GPHN: variants seen among roughly 807,000 people sequenced by gnomAD.
GPHN encodes gephyrin.
In GPHN, 17 loss-of-function variants were observed where a neutral mutation model predicts 95.5. The ratio of observed to expected loss-of-function variants is 0.18; its 90% confidence interval spans 0.12 to 0.27. The LOEUF is 0.27. GPHN is among the 10% of genes least tolerant of loss of function. GPHN has a pLI of 1.00. For missense variants in GPHN, 660 were observed against 978.1 expected (o/e 0.67, Z 4.34); for synonymous variants, 320 against 322.5 (o/e 0.99, Z 0.08).
chr14:66,919,383 T>C (rs2066083898), intron 6 of GPHN, among the ~76,000 whole-genome samples: 1 of 151,980 alleles, frequency 6.6e-6, no homozygotes, highest in Non-Finnish European at 1.5e-5. Flanking sequence ...GATTAGAAGA[T>C]GGGAAAAGAA....
At chr14:67,439,604 T>TTC in the GPHN span, among the ~76,000 whole-genome samples, 1 of 133,616 alleles carries the variant, frequency 7.5e-6, no homozygotes, top group African/African-American at 3.1e-5. Context: ...TTCTTTCTTT[T>TTC]TTGCATCAGA....
the GPHN span, chr14:67,662,959 C>T: frequency 7.5e-7 from 1 of 1,338,310 alleles, no homozygotes; most frequent in Non-Finnish European, 9.5e-7. Context: ...AACCCCTCAC[C>T]ACTCCCACAG....
chr14:67,642,196 A>G, the GPHN span: 9 of 1,613,884 alleles, frequency 5.6e-6, no homozygotes, highest in Admixed American at 1.3e-4. Context: ...GCTGCCACCT[A>G]AAAGACTTTG....
the GPHN span, among the ~76,000 whole-genome samples, chr14:67,623,410 C>T: frequency 3.3e-5 from 5 of 152,124 alleles, no homozygotes; most frequent in South Asian, 2.1e-4. Flanking sequence ...CACAGGCTGC[C>T]GGTGTTACCA....
chr14:66,780,812 T>A (rs1421270231), intron 3 of GPHN, among the ~76,000 whole-genome samples: 1 of 152,170 alleles, frequency 6.6e-6, no homozygotes, highest in Non-Finnish European at 1.5e-5. Context: ...ATCGTTTTTG[T>A]TTTAGCTGAA....
chr14:67,569,550 C>T, the GPHN span, among the ~76,000 whole-genome samples: 3 of 148,602 alleles, frequency 2.0e-5, no homozygotes, highest in South Asian at 6.9e-4. Context: ...TCCTGATTTA[C>T]ATGAACCCCA....
the GPHN span, among the ~76,000 whole-genome samples, chr14:67,601,369 C>T: frequency 3.9e-5 from 6 of 152,128 alleles, no homozygotes; most frequent in East Asian, 9.6e-4. Flanking sequence ...AGGTAGGGGT[C>T]AGATCCAAGA....
the GPHN span, among the ~76,000 whole-genome samples, chr14:67,673,386 T>A: frequency 6.6e-6 from 1 of 152,018 alleles, no homozygotes; most frequent in Non-Finnish European, 1.5e-5. Flanking sequence ...TGAAGTCCCA[T>A]CCCCTATTCT....
intron 1 of GPHN, among the ~76,000 whole-genome samples, chr14:66,580,660 A>G (rs1421956267): frequency 6.6e-6 from 1 of 151,848 alleles, no homozygotes; most frequent in African/African-American, 2.4e-5. Context: ...ACTACTAATT[A>G]AGGAAGTTGA....
chr14:67,652,081 A>G, the GPHN span, among the ~76,000 whole-genome samples: 2 of 151,682 alleles, frequency 1.3e-5, no homozygotes, highest in African/African-American at 2.4e-5. Flanking sequence ...TGCTAGTTCC[A>G]TGAGTGGGTT....
intron 1 of GPHN, among the ~76,000 whole-genome samples, chr14:66,670,113 A>T (rs1310656190): frequency 1.3e-5 from 2 of 151,938 alleles, no homozygotes; most frequent in Non-Finnish European, 2.9e-5. Context: ...TAGTCCCTCT[A>T]CCTCTTTGCT....
At chr14:66,863,072 A>G (rs968613392) in intron 4 of GPHN, among the ~76,000 whole-genome samples, 4 of 152,268 alleles carry the variant, frequency 2.6e-5, no homozygotes, top group Admixed American at 2.6e-4. Flanking sequence ...TATATCTAGA[A>G]AAAAACTAAA....
chr14:67,251,174 C>T, the GPHN span, among the ~76,000 whole-genome samples: 1 of 152,200 alleles, frequency 6.6e-6, no homozygotes, highest in African/African-American at 2.4e-5. Flanking sequence ...CTTATTTTAA[C>T]ATTGTCTTTT....
At chr14:66,934,237 CA>C (rs2066982371) in intron 8 of GPHN, among the ~76,000 whole-genome samples, 2 of 151,148 alleles carry the variant, frequency 1.3e-5, no homozygotes, top group Admixed American at 1.3e-4. Context: ...TTCTAGTAAT[CA>C]AAAAGTGAAA....
chr14:67,308,053 G>A, the GPHN span, among the ~76,000 whole-genome samples: 2 of 151,988 alleles, frequency 1.3e-5, no homozygotes, highest in Non-Finnish European at 2.9e-5. Flanking sequence ...ACATAAAGGG[G>A]AACAACACAC....
At chr14:67,446,009 A>T in the GPHN span, 3 of 515,384 alleles carry the variant, frequency 5.8e-6, no homozygotes, top group Admixed American at 5.9e-5. Flanking sequence ...TTCCCAGGAA[A>T]ACCAGATCTT....
chr14:67,466,280 G>C, the GPHN span, among the ~76,000 whole-genome samples: 1 of 152,202 alleles, frequency 6.6e-6, no homozygotes, highest in Non-Finnish European at 1.5e-5. Flanking sequence ...GTAATGTTTG[G>C]CACTAAAAGG....
chr14:67,582,578 C>T, the GPHN span, among the ~76,000 whole-genome samples: 9 of 152,090 alleles, frequency 5.9e-5, no homozygotes, highest in South Asian at 8.3e-4. This position sits in a 1 kb window ranked among gnomAD's most constrained non-coding sequence, Gnocchi z 5.0. Flanking sequence ...CAGCACTTTG[C>T]GAGGCCGAGG....
intron 16 of GPHN, among the ~76,000 whole-genome samples, chr14:67,116,629 C>CA (rs1323633297): frequency 6.6e-6 from 1 of 152,202 alleles, no homozygotes; most frequent in Non-Finnish European, 1.5e-5. Context: ...GTGATCCTCC[C>CA]ACCTCAGCTT....
Sources: gnomAD v4.1 joint callset for allele counts (sites outside exome capture counted in the v4.1 genomes callset) on GRCh38, gnomAD v4.1.1 for gene constraint, Gnocchi (gnomAD v3.1) non-coding constraint, MANE v1.5 for transcripts, NCBI Gene and HGNC (gene_info 2026-07-23, HGNC 2026-07-21) for gene names.